Variants in MGST1 observed in about 807,000 individuals in gnomAD.
MGST1 encodes the protein microsomal glutathione S-transferase 1.
Under a neutral mutation model 8.9 loss-of-function variants are expected in MGST1, and 5 were observed. That is an observed-to-expected ratio of 0.56 (90% confidence interval 0.29 to 1.19). MGST1 has a LOEUF of 1.19. Among genes scored for constraint, MGST1 ranks in the 50% most tolerant of loss-of-function variants. MGST1 has a pLI of 0.08. For missense variants in MGST1, 182 were observed against 187.4 expected (o/e 0.97, Z 0.17); for synonymous variants, 54 against 67.8 (o/e 0.80, Z 1.00).
At chr12:16,420,381 C>T (rs1452895459) in intron 1 of MGST1, among the ~76,000 whole-genome samples, 1 of 152,170 alleles carries the variant, frequency 6.6e-6, no homozygotes, top group East Asian at 1.9e-4. Flanking sequence ...AGCCATTAAA[C>T]TTATTCTCAT....
intron 1 of MGST1, among the ~76,000 whole-genome samples, chr12:16,425,302 A>G (rs1466121144): frequency 2.0e-5 from 3 of 152,148 alleles, no homozygotes; most frequent in Admixed American, 2.0e-4. Flanking sequence ...TTATTTATTT[A>G]GAGACAGAAT....
intron 1 of MGST1, among the ~76,000 whole-genome samples, chr12:16,418,951 GT>G (rs1392454141): frequency 6.6e-6 from 1 of 151,978 alleles, no homozygotes; most frequent in Non-Finnish European, 1.5e-5. Context: ...GAGCTTATAT[GT>G]TTAGTGTTTG....
Position 16,389,981 on chromosome 12 carries a change from G to A in MGST1, n.778+6377G>A, listed in dbSNP as rs988264010. 3.9e-5 allele frequency among the ~76,000 whole-genome samples: 6 copies of A among 152,172 alleles called. No individual in the cohort carries two copies. The highest frequency in any genetic ancestry group is 1.3e-4 in the Admixed American group (2 of 15,276). On this transcript the variant is annotated intron_variant and non_coding_transcript_variant, in intron 1 of 1. Coordinates refer to the MGST1 transcript ENST00000359720. This position sits in a 1 kb window ranked among gnomAD's most constrained non-coding sequence, Gnocchi z 4.6. ...TGCAATACAGACTGCAGCTCCATCC[G>A]TCAGAGGGTTGAAATTTCACACACG...
chr12:16,583,501 T>C (rs946143330), intron 4 of MGST1, among the ~76,000 whole-genome samples: 13 of 151,982 alleles, frequency 8.6e-5, no homozygotes, highest in African/African-American at 3.1e-4. Flanking sequence ...CACAGAATAC[T>C]GGAGGGAATG....
chr12:16,387,613 G>A lies in MGST1; in HGVS notation n.778+4009G>A, dbSNP rs540641671. Reference sequence around the variant, plus strand: ...GCTATCTCGGCTCACTGCAAGCTCCGCCTCCCACGTTCACGCCATTCTCCT... The same window carrying A: ...GCTATCTCGGCTCACTGCAAGCTCCACCTCCCACGTTCACGCCATTCTCCT... On this transcript the variant is annotated intron_variant and non_coding_transcript_variant, in intron 1 of 1. Coordinates refer to the MGST1 transcript ENST00000359720. 1.1e-4 allele frequency among the ~76,000 whole-genome samples: 16 copies of A among 150,838 alleles called. No homozygotes were observed. In the East Asian group the frequency reaches 1.6e-3, roughly 15 times the overall value.
intron 4 of MGST1, among the ~76,000 whole-genome samples, chr12:16,545,688 A>G (rs926922033): frequency 1.1e-4 from 16 of 152,038 alleles, no homozygotes; most frequent in African/African-American, 3.4e-4. Flanking sequence ...AGAATCCTCT[A>G]TTCTTGGTAC....
At chr12:16,360,737 A>C (rs9332930) in intron 3 of MGST1, among the ~76,000 whole-genome samples, 9 of 152,306 alleles carry the variant, frequency 5.9e-5, no homozygotes, top group Admixed American at 5.2e-4. Flanking sequence ...TATTCCCTTT[A>C]AAGGTAGAGA....
intron 3 of MGST1, among the ~76,000 whole-genome samples, chr12:16,371,265 G>A (rs903234221): frequency 1.3e-5 from 2 of 152,022 alleles, no homozygotes; most frequent in African/African-American, 4.8e-5. Context: ...TAGTCCAAAT[G>A]TGTACAGATA....
intron 4 of MGST1, among the ~76,000 whole-genome samples, chr12:16,564,217 G>A (rs754493060): frequency 2.0e-5 from 3 of 152,048 alleles, no homozygotes; most frequent in Non-Finnish European, 2.9e-5. Context: ...GTAAGAACAC[G>A]GCCTACCTGT....
chr12:16,389,873 A>T lies in MGST1; in HGVS notation n.778+6269A>T. 6.6e-6 allele frequency among the ~76,000 whole-genome samples: 1 copy of T among 152,170 alleles called. No individual in the cohort carries two copies. The highest frequency in any genetic ancestry group is 1.9e-4 in the East Asian group (1 of 5,190). On this transcript the variant is annotated intron_variant and non_coding_transcript_variant, in intron 1 of 1. Transcript: ENST00000359720. This position sits in a 1 kb window ranked among gnomAD's most constrained non-coding sequence, Gnocchi z 4.6. Reference sequence around the variant, plus strand: ...ACTGGATCAGGTGCTCCCAAGGGGAAGTTGTAATGAAGAGTGAGGCAGGAT... The same window carrying T: ...ACTGGATCAGGTGCTCCCAAGGGGATGTTGTAATGAAGAGTGAGGCAGGAT...
At chr12:16,424,179 C>G (rs1224894738) in intron 1 of MGST1, among the ~76,000 whole-genome samples, 1 of 152,138 alleles carries the variant, frequency 6.6e-6, no homozygotes, top group Non-Finnish European at 1.5e-5. Flanking sequence ...TAAATTTAAT[C>G]AATCATCAAG....
intron 4 of MGST1, among the ~76,000 whole-genome samples, chr12:16,563,088 A>G (rs1465344660): frequency 1.3e-5 from 2 of 152,086 alleles, no homozygotes; most frequent in East Asian, 1.9e-4. Flanking sequence ...ATCAGTTTCC[A>G]TCTACACCTG....
intron 4 of MGST1, among the ~76,000 whole-genome samples, chr12:16,501,857 T>C (rs1354786629): frequency 1.3e-5 from 2 of 152,256 alleles, no homozygotes; most frequent in South Asian, 2.1e-4. Flanking sequence ...CTTTATATGA[T>C]ATCAAACAGA....
At chr12:16,470,194 A>T (rs549496745) in intron 4 of MGST1, among the ~76,000 whole-genome samples, 1 of 152,356 alleles carries the variant, frequency 6.6e-6, no homozygotes, top group African/African-American at 2.4e-5. Context: ...TACATAAAAA[A>T]AAATCCAGTC....
In MGST1 at chr12:16,389,985, G is replaced by A. The variant is rs1400711830; in HGVS notation, n.778+6381G>A. On this transcript the variant is annotated intron_variant and non_coding_transcript_variant, in intron 1 of 1. Coordinates refer to the MGST1 transcript ENST00000359720. This position sits in a 1 kb window ranked among gnomAD's most constrained non-coding sequence, Gnocchi z 4.6. ...ATACAGACTGCAGCTCCATCCGTCA[G>A]AGGGTTGAAATTTCACACACGAAGG... Among the ~76,000 whole-genome samples, 1 of 152,204 alleles carries A rather than the reference G, an allele frequency of 6.6e-6. No individual in the cohort carries two copies. The highest frequency in any genetic ancestry group is 6.5e-5 in the Admixed American group (1 of 15,282).
In MGST1 at chr12:16,560,912, G is replaced by C. The variant is rs1942380820; in HGVS notation, n.483-28616G>C. ...TGTTATATATTAAACATTTTAGTTGGGAAAGGAACCAACTAATGAATGATT... is the reference window on the plus strand; with the variant it reads ...TGTTATATATTAAACATTTTAGTTGCGAAAGGAACCAACTAATGAATGATT... On this transcript the variant is annotated intron_variant and non_coding_transcript_variant, in intron 4 of 4. Coordinates refer to the MGST1 transcript ENST00000538857. The surrounding 1 kb of genome is among the most constrained non-coding windows in gnomAD (Gnocchi z 5.0). The C allele has an allele frequency of 5.4e-6, 1 of 184,696 alleles. No individual in the cohort carries two copies. Among genetic ancestry groups the C allele is most frequent in the African/African-American group, 2.4e-5 (1 of 41,740 alleles). 11.4% of individuals were successfully genotyped at this position (184,696 alleles called of 1,614,324 possible). A position where few individuals can be genotyped will look rare whatever the true frequency, so the allele number is the denominator to read the frequency against.
intron 4 of MGST1, among the ~76,000 whole-genome samples, chr12:16,531,583 A>G (rs1591753474): frequency 6.6e-6 from 1 of 152,230 alleles, no homozygotes; most frequent in South Asian, 2.1e-4. Flanking sequence ...GTGCCACTGC[A>G]CTCCAGCCTG....
intron 1 of MGST1, chr12:16,399,741 ACTC>A (rs1180236465): frequency 7.4e-5 from 86 of 1,163,182 alleles, no homozygotes; most frequent in African/African-American, 4.5e-5. Flanking sequence ...GAGGGACTGT[ACTC>A]CTTCTGTGTA....
chr12:16,540,743 C>A (rs1446506990), intron 4 of MGST1, among the ~76,000 whole-genome samples: 2 of 152,080 alleles, frequency 1.3e-5, no homozygotes, highest in South Asian at 2.1e-4. Flanking sequence ...CCAGCCTGGG[C>A]AAAATGGTGA....
Sources: allele counts gnomAD v4.1 joint callset (sites outside exome capture counted in the v4.1 genomes callset), GRCh38; gene constraint gnomAD v4.1.1; non-coding constraint Gnocchi (gnomAD v3.1); transcripts MANE v1.5; gene names NCBI Gene and HGNC (gene_info 2026-07-23, HGNC 2026-07-21).